ITPK1: variants seen among roughly 807,000 people sequenced by gnomAD.
ITPK1 encodes the protein inositol 1,3,4-trisphosphate 5/6-kinase.
In ITPK1, 21 loss-of-function variants were observed where a neutral mutation model predicts 45.3. The observed-to-expected ratio is 0.46, with a 90% confidence interval of 0.33 to 0.67. ITPK1 has a LOEUF of 0.67. ITPK1 is among the 30% of genes least tolerant of loss of function. The pLI is 0.02. For synonymous variants in ITPK1, 258 were observed against 253.6 expected (o/e 1.02, Z -0.16); for missense variants, 474 against 573.5 (o/e 0.83, Z 1.77).
intron 10 of ITPK1, among the ~76,000 whole-genome samples, chr14:92,942,663 C>G (rs1173281048): frequency 1.3e-5 from 2 of 152,218 alleles, no homozygotes; most frequent in Non-Finnish European, 2.9e-5. Context: ...CTCCCCTTAA[C>G]AGAGGGGAAC....
intron 4 of ITPK1, among the ~76,000 whole-genome samples, chr14:93,005,933 G>T (rs117004157): frequency 1.3e-3 from 193 of 152,236 alleles, no homozygotes; most frequent in Non-Finnish European, 2.5e-3. Context: ...CACTTCCAGG[G>T]CATACCGTAC....
chr14:93,056,153 G>A (rs1329476384), intron 3 of ITPK1, among the ~76,000 whole-genome samples: 4 of 152,232 alleles, frequency 2.6e-5, no homozygotes, highest in Non-Finnish European at 4.4e-5. Flanking sequence ...TGTGAGTAGA[G>A]ACTGGTGTGT....
In ITPK1 at chr14:93,016,931, G is replaced by A; in HGVS notation, c.121-130C>T. 8.4e-7 allele frequency: 1 copy of A among 1,193,022 alleles called. No individual in the cohort carries two copies. The highest frequency in any genetic ancestry group is 1.2e-6 in the Non-Finnish European group (1 of 854,694). 73.9% of individuals were successfully genotyped at this position (1,193,022 alleles called of 1,614,324 possible). A position where few individuals can be genotyped will look rare whatever the true frequency, so the allele number is the denominator to read the frequency against. On this transcript the variant is annotated intron_variant, in intron 3 of 10. Transcript: ENST00000267615. This position sits in a 1 kb window ranked among gnomAD's most constrained non-coding sequence, Gnocchi z 5.0. ...CTCCCTGTAGCACTCTGGAGATGGG[G>A]CAGGAGGAGGGCTGACATGGAAAAT...
chr14:92,953,007 G>A (rs909838363), intron 8 of ITPK1, among the ~76,000 whole-genome samples: 2 of 152,252 alleles, frequency 1.3e-5, no homozygotes, highest in South Asian at 4.1e-4. Flanking sequence ...AGTCCTTGCA[G>A]GGTGAGGCAT....
At chr14:93,075,281 A>G (rs942943124) in intron 3 of ITPK1, among the ~76,000 whole-genome samples, 1 of 132,142 alleles carries the variant, frequency 7.6e-6, no homozygotes, top group Non-Finnish European at 1.6e-5. Flanking sequence ...GAGCTGAGAT[A>G]GCTCCACTGC....
chr14:92,998,795 A>G (rs1409080122), intron 4 of ITPK1: 1 of 152,206 alleles, frequency 6.6e-6, no homozygotes, highest in African/African-American at 2.4e-5. Context: ...AGAGCCAGCT[A>G]CCCAGATGGG....
chr14:92,998,320 C>T (rs1468571983), intron 4 of ITPK1, among the ~76,000 whole-genome samples: 3 of 152,204 alleles, frequency 2.0e-5, no homozygotes, highest in African/African-American at 7.2e-5. Context: ...CAGCCGACCC[C>T]AGAGGAGCCA....
At position 92,962,812 on chromosome 14, in the gene ITPK1, C is replaced by T. The variant is rs149380374; in HGVS notation, c.402G>A (p.Thr134=). The change falls in exon 6 of 11, where the codon ACG becomes ACA. Residue 134 remains threonine, a synonymous_variant. Transcript: ENST00000267615. ...GCATGGTGTCATCCCCGCACAGGCT[C>T]GTGAGCTCCATGAAGGGTGGCGAGC... is the stretch of plus-strand genomic sequence containing the variant. ...RICSPPFMEL[T]SLCGDDTMRL... is the part of the protein sequence containing the mutation. 4.9e-3 allele frequency: 7,960 copies of T among 1,613,864 alleles called. 38 individuals are homozygous for T. The highest frequency in any genetic ancestry group is 8.1e-3 in the Middle Eastern group (49 of 6,056).
chr14:92,983,543 GATTC>G (rs1222396860), intron 5 of ITPK1, among the ~76,000 whole-genome samples: 1 of 152,186 alleles, frequency 6.6e-6, no homozygotes, highest in Non-Finnish European at 1.5e-5. Context: ...AACAGGCAAA[GATTC>G]ATTCATAGAA....
At chr14:93,102,078 C>T (rs1043470198) in intron 2 of ITPK1, among the ~76,000 whole-genome samples, 1 of 152,244 alleles carries the variant, frequency 6.6e-6, no homozygotes, top group Non-Finnish European at 1.5e-5. Context: ...GGAGGGACTC[C>T]CCTGCCCCTA....
intron 4 of ITPK1, among the ~76,000 whole-genome samples, chr14:93,000,308 T>C (rs943557942): frequency 1.3e-5 from 2 of 152,226 alleles, no homozygotes; most frequent in African/African-American, 2.4e-5. Flanking sequence ...TCCTCAGGCA[T>C]GGATGTTTTA....
intron 4 of ITPK1, among the ~76,000 whole-genome samples, chr14:93,010,557 C>T (rs1303036700): frequency 6.6e-6 from 1 of 152,244 alleles, no homozygotes; most frequent in African/African-American, 2.4e-5. Flanking sequence ...CTCTGACCCC[C>T]ACCTGGCCCT....
intron 3 of ITPK1, among the ~76,000 whole-genome samples, chr14:93,019,204 T>C (rs377523349): frequency 5.3e-5 from 8 of 152,266 alleles, no homozygotes; most frequent in African/African-American, 1.7e-4. Flanking sequence ...GAGCGACGCA[T>C]CCGGGCCCAC....
In ITPK1 at chr14:92,951,952, C is replaced by G. The variant is rs781345701; in HGVS notation, c.732G>C (p.Leu244=). The part of the protein sequence containing the change: ...NVSKPESSSV[L]TELDKIEGVF... ...TCCCAGCAGAGGGACCCACCTCCGTCAGGACCGATGACGACTCCGGCTTTG... is the reference window on the plus strand; with the variant it reads ...TCCCAGCAGAGGGACCCACCTCCGTGAGGACCGATGACGACTCCGGCTTTG... The change falls in exon 9 of 11, where the codon CTG becomes CTC. Residue 244 remains leucine, a synonymous_variant. Coordinates refer to ENST00000267615, the MANE Select transcript of ITPK1 (RefSeq NM_014216.6). The G allele has an allele frequency of 1.3e-6, 2 of 1,576,984 alleles. No individual in the cohort carries two copies. The highest frequency in any genetic ancestry group is 1.7e-6 in the Non-Finnish European group (2 of 1,160,822).
intron 2 of ITPK1, among the ~76,000 whole-genome samples, chr14:93,111,095 C>A (rs996762792): frequency 6.6e-6 from 1 of 152,122 alleles, no homozygotes; most frequent in African/African-American, 2.4e-5. Context: ...GAGATGAGGT[C>A]CCTGGAAGCA....
At chr14:93,095,148 C>T (rs1267055219) in intron 2 of ITPK1, among the ~76,000 whole-genome samples, 2 of 152,180 alleles carry the variant, frequency 1.3e-5, no homozygotes, top group East Asian at 3.8e-4. Context: ...CTCCAGCACC[C>T]CGCATGGTGT....
At chr14:93,071,828 T>C (rs1472646034) in intron 3 of ITPK1, 2 of 152,130 alleles carry the variant, frequency 1.3e-5, no homozygotes, top group Non-Finnish European at 2.9e-5. Flanking sequence ...GGCCAAAAAA[T>C]ACAAAAATCA....
intron 10 of ITPK1, among the ~76,000 whole-genome samples, 158 bp from the exon 11 acceptor site, chr14:92,942,062 G>T (rs552512303): frequency 5.3e-5 from 8 of 152,192 alleles, no homozygotes; most frequent in African/African-American, 1.9e-4. Context: ...AGCAGATAAG[G>T]GGGGCTGAGG....
chr14:93,005,345 C>T (rs910807579), intron 4 of ITPK1, among the ~76,000 whole-genome samples: 1 of 152,148 alleles, frequency 6.6e-6, no homozygotes, highest in Non-Finnish European at 1.5e-5. Flanking sequence ...ATATTTAAAC[C>T]CATGAGCTCA....
Sources: gnomAD v4.1 joint callset for allele counts (sites outside exome capture counted in the v4.1 genomes callset) on GRCh38, gnomAD v4.1.1 for gene constraint, Gnocchi (gnomAD v3.1) non-coding constraint, MANE v1.5 for transcripts, NCBI Gene and HGNC (gene_info 2026-07-23, HGNC 2026-07-21) for gene names.